Variants in PACRG observed in about 807,000 individuals in gnomAD.
PACRG encodes parkin coregulated gene protein.
A neutral mutation model predicts 29.7 loss-of-function variants in PACRG; 29 were observed. The ratio of observed to expected loss-of-function variants is 0.98; its 90% confidence interval spans 0.73 to 1.33. The LOEUF is 1.33. Among genes scored for constraint, PACRG ranks in the 40% most tolerant of loss-of-function variants. The pLI is 0.00. For synonymous variants in PACRG, 116 were observed against 118.7 expected (o/e 0.98, Z 0.15); for missense variants, 279 against 316.2 (o/e 0.88, Z 0.89).
At chr6:163,014,215 TA>T in intron 2 of PACRG, among the ~76,000 whole-genome samples, 1 of 152,292 alleles carries the variant, frequency 6.6e-6, no homozygotes, top group African/African-American at 2.4e-5. Flanking sequence ...CAAAGTAGTC[TA>T]TGGTGTATAT....
At chr6:163,038,802 G>A (rs1308225454) in intron 2 of PACRG, among the ~76,000 whole-genome samples, 3 of 152,164 alleles carry the variant, frequency 2.0e-5, no homozygotes, top group East Asian at 3.9e-4. Context: ...AGAGAGGACA[G>A]GAAGGGCTCT....
chr6:162,917,615 A>G (rs1796782578), intron 2 of PACRG, among the ~76,000 whole-genome samples: 1 of 152,190 alleles, frequency 6.6e-6, no homozygotes. Context: ...CACATTTTTG[A>G]GCAGAGAAAG....
chr6:163,260,794 GCTT>G (rs1230708693), intron 4 of PACRG, among the ~76,000 whole-genome samples: 1 of 152,192 alleles, frequency 6.6e-6, no homozygotes, highest in Non-Finnish European at 1.5e-5. Flanking sequence ...ACAGAACACT[GCTT>G]CTTCTGGGCA....
At chr6:162,952,626 A>G (rs542327305) in intron 2 of PACRG, among the ~76,000 whole-genome samples, 16 of 152,322 alleles carry the variant, frequency 1.1e-4, no homozygotes, top group African/African-American at 3.1e-4. Flanking sequence ...GTCTTGGCTC[A>G]GGAGAGTCCC....
chr6:162,935,141 G>A (rs1448514300), intron 2 of PACRG, among the ~76,000 whole-genome samples: 1 of 152,098 alleles, frequency 6.6e-6, no homozygotes, highest in African/African-American at 2.4e-5. Flanking sequence ...ACTTTTGATA[G>A]TTTAACTATA....
intron 4 of PACRG, chr6:163,166,017 G>C (rs1281994040): frequency 4.5e-6 from 2 of 442,384 alleles, no homozygotes; most frequent in Admixed American, 4.8e-5. Flanking sequence ...TCACTGGTTT[G>C]CCCACAAGCG....
At chr6:163,041,336 C>CA (rs199678219) in intron 2 of PACRG, among the ~76,000 whole-genome samples, 5,829 of 149,230 alleles carry the variant, frequency 0.039, 131 homozygotes, top group Non-Finnish European at 0.049. Flanking sequence ...GACTCTGTCT[C>CA]AAAAAAAAAT....
Position 162,728,164 on chromosome 6 carries a change from C to A in PACRG, c.-72C>A. 6.5e-7 allele frequency: 1 copy of A among 1,545,550 alleles called. No individual in the cohort carries two copies. The highest frequency in any genetic ancestry group is 8.8e-7 in the Non-Finnish European group (1 of 1,139,140). On this transcript the variant is annotated 5_prime_UTR_variant, in exon 1 of 5. Transcript: ENST00000366888. Reference sequence around the variant, plus strand: ...CCTTTTGATATTTTTTTCCAGACCTCCTGCTCACATCCGTAAAGCCCACTG... The same window carrying A: ...CCTTTTGATATTTTTTTCCAGACCTACTGCTCACATCCGTAAAGCCCACTG...
At chr6:163,296,631 G>T (rs1228666799) in intron 4 of PACRG, among the ~76,000 whole-genome samples, 2 of 152,144 alleles carry the variant, frequency 1.3e-5, no homozygotes, top group East Asian at 1.9e-4. Flanking sequence ...ATGTTTGGGG[G>T]CCCAGTGATG....
chr6:163,080,577 A>C (rs182931863), intron 3 of PACRG, among the ~76,000 whole-genome samples: 28 of 152,370 alleles, frequency 1.8e-4, no homozygotes, highest in African/African-American at 6.5e-4. Context: ...TGCATCATGG[A>C]GACCATTTTG....
intron 2 of PACRG, among the ~76,000 whole-genome samples, chr6:162,873,206 T>TTG (rs35191237): frequency 0.11 from 15,857 of 150,336 alleles, 1,017 homozygotes; most frequent in African/African-American, 0.18. Context: ...GTTTTTCTGT[T>TTG]TGTGTGTGTG....
intron 1 of PACRG, among the ~76,000 whole-genome samples, chr6:162,771,929 C>T (rs1783252094): frequency 6.6e-6 from 1 of 152,044 alleles, no homozygotes. Context: ...GCACAAATGA[C>T]TACATTTCCA....
chr6:162,897,856 C>G (rs965701890), intron 2 of PACRG, among the ~76,000 whole-genome samples: 2 of 152,098 alleles, frequency 1.3e-5, no homozygotes, highest in Admixed American at 6.5e-5. Flanking sequence ...TGGGATGCGT[C>G]GTCAAGGCTG....
chr6:163,118,983 C>T (rs918461210), intron 4 of PACRG, among the ~76,000 whole-genome samples: 2 of 152,188 alleles, frequency 1.3e-5, no homozygotes, highest in African/African-American at 2.4e-5. Context: ...TGAAAAAGTT[C>T]AGAAAGTCCA....
chr6:163,168,558 A>AAACAACAAC (rs10684097), intron 4 of PACRG, among the ~76,000 whole-genome samples: 133,837 of 151,644 alleles, frequency 0.88, 59,175 homozygotes, highest in African/African-American at 0.93. Flanking sequence ...TATTCTAATA[A>AAACAACAAC]AACAACAACA....
chr6:162,753,169 C>G (rs1479052373), intron 1 of PACRG, among the ~76,000 whole-genome samples: 6 of 152,044 alleles, frequency 3.9e-5, no homozygotes. Flanking sequence ...TATAGTCATC[C>G]TGCTGTGCAG....
chr6:162,793,687 T>C (rs896828713), intron 1 of PACRG, among the ~76,000 whole-genome samples: 2 of 152,234 alleles, frequency 1.3e-5, no homozygotes, highest in Admixed American at 6.5e-5. Context: ...TGTCAGGCTA[T>C]GGAATTTAAT....
intron 2 of PACRG, among the ~76,000 whole-genome samples, chr6:162,909,341 G>T (rs1308332879): frequency 6.6e-6 from 1 of 151,974 alleles, no homozygotes; most frequent in Non-Finnish European, 1.5e-5. Flanking sequence ...GAATCAAGAG[G>T]TCAGGAGATC....
chr6:162,950,507 C>CAATA (rs68020295), intron 2 of PACRG, among the ~76,000 whole-genome samples: 1 of 58,552 alleles, frequency 1.7e-5, no homozygotes, highest in Non-Finnish European at 6.4e-5. Flanking sequence ...GACTCCATCT[C>CAATA]AATAAATAAA....
Sources: gnomAD v4.1 joint callset for allele counts (sites outside exome capture counted in the v4.1 genomes callset) on GRCh38, gnomAD v4.1.1 for gene constraint, MANE v1.5 for transcripts, NCBI Gene and HGNC (gene_info 2026-07-23, HGNC 2026-07-21) for gene names.